Variants in IMPG1 observed in about 807,000 individuals in gnomAD.
IMPG1 encodes interphotoreceptor matrix proteoglycan of 150 kDa.
A neutral mutation model predicts 92.0 loss-of-function variants in IMPG1; 85 were observed. The observed-to-expected ratio is 0.92, with a 90% CI of 0.78 to 1.11. The LOEUF (loss-of-function observed/expected upper bound fraction) is 1.11, where lower values mean the gene tolerates loss of function less well. IMPG1 is among the 50% of genes least tolerant of loss of function. The pLI is 0.00. For missense variants in IMPG1, 1,022 were observed against 956.0 expected (o/e 1.07, Z -0.91); for synonymous variants, 367 against 334.1 (o/e 1.10, Z -1.08).
intron 12 of IMPG1, among the ~76,000 whole-genome samples, chr6:75,987,172 A>T (rs1782730284): frequency 6.6e-6 from 1 of 152,078 alleles, no homozygotes; most frequent in Non-Finnish European, 1.5e-5. Flanking sequence ...AAAAAACCTC[A>T]CTGGGAGGGG....
rs542218480 is a variant in IMPG1 at position 76,029,307 on chromosome 6, A to C, written c.498-4049T>G. Among the ~76,000 whole-genome samples the C allele has an allele frequency of 1.1e-4, 16 of 152,364 alleles. 1 individual carries two copies. Among genetic ancestry groups the C allele is most frequent in the Admixed American group, 5.2e-4 (8 of 15,308 alleles). On this transcript the variant is annotated intron_variant, in intron 4 of 16. Transcript: ENST00000369950. ...GGTCTCACCTGAGAGTCCTCGTGGAACAGACTTCCATCAAAGCCAATCCAA... is the reference window on the plus strand; with the variant it reads ...GGTCTCACCTGAGAGTCCTCGTGGACCAGACTTCCATCAAAGCCAATCCAA...
intron 4 of IMPG1, among the ~76,000 whole-genome samples, chr6:76,031,342 T>C (rs3798580): frequency 0.039 from 5,976 of 152,304 alleles, 144 homozygotes; most frequent in South Asian, 0.079. Context: ...TGTTTTACAG[T>C]ACAGTTATCT....
intron 12 of IMPG1, among the ~76,000 whole-genome samples, chr6:75,954,525 A>G (rs577636409): frequency 3.3e-5 from 5 of 152,174 alleles, no homozygotes; most frequent in African/African-American, 1.2e-4. Context: ...CCTTTGTTAG[A>G]TGGATAGATT....
At position 75,922,109 on chromosome 6, in the gene IMPG1, G is replaced by T; in HGVS notation, c.2374C>A (p.Gln792Lys). ...AGTTTTTAATTTCCTTCCCAATCTT[G>T]ATGGTTAAATTCTTCATATTCTACG... ...LTVEYEEFNH[Q>K]DWEGN Residue 792 changes from glutamine (Q) to lysine (K), a missense_variant, in exon 17 of 17, where the codon CAA becomes AAA. Physicochemically the swap from Gln to Lys is moderately conservative, Grantham distance 53 (BLOSUM62 1). Transcript: ENST00000369950. The T allele has an allele frequency of 7.4e-7, 1 of 1,353,188 alleles. No individual in the cohort carries two copies. Among genetic ancestry groups the T allele is most frequent in the Non-Finnish European group, 1.0e-6 (1 of 954,582 alleles). The allele number at this position is 1,353,188 out of a possible 1,614,324, so 83.8% of individuals were successfully genotyped here.
chr6:76,064,165 T>C (rs2127598229), intron 1 of IMPG1, among the ~76,000 whole-genome samples: 1 of 152,068 alleles, frequency 6.6e-6, no homozygotes, highest in Non-Finnish European at 1.5e-5. Context: ...AGGGGTAGAA[T>C]GGAGGACAGC....
intron 12 of IMPG1, among the ~76,000 whole-genome samples, 173 bp downstream of exon 12, chr6:76,002,745 C>T (rs1379327780): frequency 6.6e-6 from 1 of 152,178 alleles, no homozygotes; most frequent in Non-Finnish European, 1.5e-5. Flanking sequence ...TGGATGTCCT[C>T]CTCTGCAGAA....
At chr6:76,024,949 A>G (rs770634556) in intron 5 of IMPG1, 2 of 557,198 alleles carry the variant, frequency 3.6e-6, no homozygotes, top group South Asian at 1.5e-5. Context: ...TAGGCAGTAA[A>G]TGTTCATGAT....
At position 75,994,179 on chromosome 6, in the gene IMPG1, G is replaced by A. The variant is rs375471102; in HGVS notation, c.1291+8739C>T. On this transcript the variant is annotated intron_variant, in intron 12 of 16. Coordinates refer to ENST00000369950, the MANE Select transcript of IMPG1 (RefSeq NM_001563.4). Reference sequence around the variant, plus strand: ...ATGCCAAACACCCAAAACTGAAATTGGGAAACAAAACAAAACAAAAGTCAC... The same window carrying A: ...ATGCCAAACACCCAAAACTGAAATTAGGAAACAAAACAAAACAAAAGTCAC... 4.9e-4 allele frequency among the ~76,000 whole-genome samples: 75 copies of A among 152,220 alleles called. 1 individual carries two copies. The highest frequency in any genetic ancestry group is 1.7e-3 in the African/African-American group (70 of 41,546).
intron 14 of IMPG1, among the ~76,000 whole-genome samples, chr6:75,932,287 C>A (rs777390921): frequency 6.6e-6 from 1 of 152,112 alleles, no homozygotes; most frequent in South Asian, 2.1e-4. Context: ...ATATATTGGC[C>A]CTCTTTGCTA....
At chr6:75,926,786 T>C (rs1252219166) in intron 15 of IMPG1, among the ~76,000 whole-genome samples, 2 of 151,352 alleles carry the variant, frequency 1.3e-5, no homozygotes, top group Non-Finnish European at 2.9e-5. Context: ...ATACAACATC[T>C]AAACTTGAGG....
At chr6:76,066,562 C>A (rs1178576500) in intron 1 of IMPG1, among the ~76,000 whole-genome samples, 1 of 152,006 alleles carries the variant, frequency 6.6e-6, no homozygotes, top group African/African-American at 2.4e-5. Context: ...AAAACAAATT[C>A]TACTAGACCT....
intron 9 of IMPG1, among the ~76,000 whole-genome samples, chr6:76,006,345 A>AAT (rs1491298623): frequency 9.4e-5 from 14 of 148,364 alleles, no homozygotes; most frequent in African/African-American, 2.9e-4. Context: ...ATATGCACAC[A>AAT]ATATATATAT....
rs1050789045 is a variant in IMPG1 at position 75,925,286 on chromosome 6, T to G, written c.2244-1580A>C. Among the ~76,000 whole-genome samples, 3 of 152,166 alleles carry G rather than the reference T, an allele frequency of 2.0e-5. No homozygotes were observed. The East Asian group carries it at 5.8e-4, about 29-fold the overall frequency. Reference sequence around the variant, plus strand: ...TAAATAAAATAAATATTTTTAGACCTTTCTATATACATAATTTCTGTTGAT... The same window carrying G: ...TAAATAAAATAAATATTTTTAGACCGTTCTATATACATAATTTCTGTTGAT... On this transcript the variant is annotated intron_variant, in intron 15 of 16. Coordinates refer to ENST00000369950, the MANE Select transcript of IMPG1 (RefSeq NM_001563.4).
intron 14 of IMPG1, among the ~76,000 whole-genome samples, chr6:75,943,716 G>C (rs1477702078): frequency 6.6e-6 from 1 of 152,202 alleles, no homozygotes; most frequent in Admixed American, 6.5e-5. Context: ...GCCAAAGGCT[G>C]TCTCATTGAC....
chr6:76,009,069 G>T (rs1783142985), intron 8 of IMPG1, among the ~76,000 whole-genome samples: 1 of 152,186 alleles, frequency 6.6e-6, no homozygotes, highest in South Asian at 2.1e-4. Context: ...TTGTTGAGAA[G>T]TTGTTTATGG....
chr6:76,036,472 T>C (rs1050470181), intron 2 of IMPG1, among the ~76,000 whole-genome samples: 2 of 152,228 alleles, frequency 1.3e-5, no homozygotes, highest in African/African-American at 4.8e-5. Flanking sequence ...TATATGTGTT[T>C]AGTTTTAATT....
At chr6:76,063,206 AAAAAT>A (rs1443409221) in intron 1 of IMPG1, among the ~76,000 whole-genome samples, 1 of 151,950 alleles carries the variant, frequency 6.6e-6, no homozygotes, top group Non-Finnish European at 1.5e-5. Flanking sequence ...TCCATCTCAA[AAAAAT>A]AAAATAAAAT....
In IMPG1 at chr6:75,929,996, G is replaced by C. The variant is rs190583416; in HGVS notation, c.2243+957C>G. Among the ~76,000 whole-genome samples the C allele has an allele frequency of 2.0e-3, 305 of 152,192 alleles. 2 individuals are homozygous for C. The highest frequency in any genetic ancestry group is 7.1e-3 in the African/African-American group (296 of 41,536). ...GAGTTTGTGTTTGAAAAAAAAATTA[G>C]GATGTTTGTCTTTATTAATACATGT... On this transcript the variant is annotated intron_variant, in intron 15 of 16. Coordinates refer to ENST00000369950, the MANE Select transcript of IMPG1 (RefSeq NM_001563.4).
intron 16 of IMPG1, among the ~76,000 whole-genome samples, chr6:75,922,494 A>G (rs1212681798): frequency 6.6e-6 from 1 of 152,150 alleles, no homozygotes; most frequent in East Asian, 1.9e-4. Context: ...CAGGGAACCC[A>G]TGTGTCCTCT....
Sources: gnomAD v4.1 joint callset for allele counts (sites outside exome capture counted in the v4.1 genomes callset) on GRCh38, gnomAD v4.1.1 for gene constraint, MANE v1.5 for transcripts, NCBI Gene and HGNC (gene_info 2026-07-23, HGNC 2026-07-21) for gene names.